AFF2: variants seen among roughly 807,000 people sequenced by gnomAD.
AFF2 encodes the protein AF4/FMR2 family member 2.
A neutral mutation model predicts 76.9 loss-of-function variants in AFF2; 14 were observed. The ratio of observed to expected loss-of-function variants is 0.18; its 90% CI spans 0.12 to 0.28. The LOEUF (loss-of-function observed/expected upper bound fraction) is 0.28. AFF2 is among the 10% of genes least tolerant of loss of function. AFF2 has a pLI of 1.00. For missense variants in AFF2, 868 were observed against 1,001.1 expected (o/e 0.87, Z 1.79); for synonymous variants, 398 against 366.7 (o/e 1.09, Z -0.98).
At chrX:148,700,937 G>T (rs530185309) in intron 3 of AFF2, among the ~76,000 whole-genome samples, 52 of 109,028 alleles carry the variant, frequency 4.8e-4, no homozygotes, top group African/African-American at 1.7e-3. Flanking sequence ...TCATAATTTG[G>T]GGCCTTTGCC....
chrX:148,711,171 T>C (rs2054962579), intron 3 of AFF2, among the ~76,000 whole-genome samples: 1 of 111,728 alleles, frequency 9.0e-6, no homozygotes, highest in South Asian at 3.7e-4. Context: ...CTTGAATATA[T>C]CATAGTTAAA....
At chrX:148,506,844 T>C (rs1371285121) in intron 1 of AFF2, among the ~76,000 whole-genome samples, 2 of 112,119 alleles carry the variant, frequency 1.8e-5, no homozygotes, top group Non-Finnish European at 3.8e-5. Context: ...AGCTTCATTT[T>C]GTAGATAATA....
chrX:148,572,518 G>A (rs73249422), intron 1 of AFF2, among the ~76,000 whole-genome samples: 2 of 111,633 alleles, frequency 1.8e-5, no homozygotes, highest in African/African-American at 3.3e-5. Context: ...AATATCCATC[G>A]ACTGATGAAT....
intron 3 of AFF2, among the ~76,000 whole-genome samples, chrX:148,679,990 A>G (rs2054529591): frequency 1.8e-5 from 2 of 112,391 alleles, no homozygotes; most frequent in Non-Finnish European, 3.8e-5. Context: ...GTAACTCTGA[A>G]TAAGCATACT....
chrX:148,755,364 C>T (rs1325634238), intron 3 of AFF2, among the ~76,000 whole-genome samples: 5 of 111,523 alleles, frequency 4.5e-5, no homozygotes, highest in African/African-American at 1.6e-4. Context: ...TAAGTCTGAC[C>T]TAGCTCTGAG....
At chrX:148,870,708 T>C (rs2070963204) in intron 7 of AFF2, among the ~76,000 whole-genome samples, 1 of 112,502 alleles carries the variant, frequency 8.9e-6, no homozygotes, top group African/African-American at 3.2e-5. Context: ...ATTCAAGTTC[T>C]GCAGACAGTT....
At chrX:148,590,356 A>C (rs1035069012) in intron 1 of AFF2, among the ~76,000 whole-genome samples, 1 of 111,243 alleles carries the variant, frequency 9.0e-6, no homozygotes, top group Non-Finnish European at 1.9e-5. Context: ...ATTCTGTTTC[A>C]TGCATTTTCC....
intron 14 of AFF2, among the ~76,000 whole-genome samples, chrX:148,967,350 AAC>A (rs1377205425): frequency 1.8e-5 from 2 of 111,810 alleles, no homozygotes; most frequent in African/African-American, 6.5e-5. Flanking sequence ...ACATATAACC[AAC>A]ACACAGATGT....
At chrX:148,941,654 T>G (rs2071835939) in intron 9 of AFF2, among the ~76,000 whole-genome samples, 1 of 112,323 alleles carries the variant, frequency 8.9e-6, no homozygotes, top group Admixed American at 9.4e-5. Flanking sequence ...CCAGATACTT[T>G]GCATTTTGTC....
At chrX:148,686,208 C>A in intron 3 of AFF2, among the ~76,000 whole-genome samples, 1 of 111,708 alleles carries the variant, frequency 9.0e-6, no homozygotes. Flanking sequence ...TTTATTCTGA[C>A]AAATTCCTGA....
chrX:148,781,412 AGATCCCCTGCCC>A (rs2069743132), intron 3 of AFF2, among the ~76,000 whole-genome samples: 1 of 112,353 alleles, frequency 8.9e-6, no homozygotes, highest in South Asian at 3.7e-4. Context: ...TTTCTTTTAG[AGATCCCCTGCCC>A]AGAGAGGAGG....
At chrX:148,734,110 A>T (rs986375380) in intron 3 of AFF2, among the ~76,000 whole-genome samples, 1 of 111,966 alleles carries the variant, frequency 8.9e-6, no homozygotes. Flanking sequence ...GAGGGTGATG[A>T]AGTGCTTGCT....
At chrX:148,702,895 C>T (rs781817422) in intron 3 of AFF2, among the ~76,000 whole-genome samples, 2 of 112,092 alleles carry the variant, frequency 1.8e-5, no homozygotes, top group African/African-American at 3.2e-5. Flanking sequence ...GCTCGAGATA[C>T]GATTTCGGGT....
rs1437446782 is a variant in AFF2, at chrX:148,958,608, G to A, written c.2690+150G>A. ...AGTCAAGGCCTGACAGCTGTCCCTG[G>A]CCACTGGTCTAACAAGGGTGTGATA... On this transcript the variant is annotated intron_variant, in intron 12 of 20. Coordinates refer to ENST00000370460, the MANE Select transcript of AFF2 (RefSeq NM_002025.4). 5 of 789,840 alleles carry A rather than the reference G, an allele frequency of 6.3e-6. No homozygotes were observed. In the East Asian group the frequency reaches 1.6e-4, roughly 26 times the overall value. The allele number at this position is 789,840 out of a possible 1,213,427, so 65.1% of individuals were successfully genotyped here.
Position 148,959,963 on chromosome X carries a change from C to A in AFF2, c.2690+1505C>A, listed in dbSNP as rs528967984. On this transcript the variant is annotated intron_variant, in intron 12 of 20. Transcript: ENST00000370460. ...CCCACTGCTACACTCTCTAGGTGACCCAGTGGCCTGTCGCCTTCCCCATCT... is the reference window on the plus strand; with the variant it reads ...CCCACTGCTACACTCTCTAGGTGACACAGTGGCCTGTCGCCTTCCCCATCT... Among the ~76,000 whole-genome samples the A allele has an allele frequency of 4.4e-5, 5 of 112,664 alleles. No homozygotes were observed. The East Asian group carries it at 1.4e-3, about 32-fold the overall frequency.
chrX:148,774,522 C>A (rs2069643538), intron 3 of AFF2, among the ~76,000 whole-genome samples: 1 of 111,237 alleles, frequency 9.0e-6, no homozygotes, highest in Admixed American at 9.6e-5. Context: ...CTGCTGAATT[C>A]ATATTCTACA....
Position 148,956,319 on chromosome X carries a change from C to T in AFF2, c.2274C>T (p.Thr758=). 2 of 1,211,921 alleles carry T rather than the reference C, an allele frequency of 1.7e-6. No homozygotes were observed. Among genetic ancestry groups the T allele is most frequent in the Non-Finnish European group, 2.2e-6 (2 of 895,579 alleles). Residue 758 remains threonine (T), a synonymous_variant, in exon 11 of 21, where the codon ACC becomes ACT. Transcript: ENST00000370460. ...EICGASLTLS[T]LMSSSGSNNN... ...GTGGTGCCAGCCTGACCCTCAGCAC[C>T]TTAATGAGTAGCAGTGGCAGCAACA...
intron 1 of AFF2, among the ~76,000 whole-genome samples, chrX:148,545,795 A>AT (rs1427579456): frequency 9.0e-6 from 1 of 110,754 alleles, no homozygotes; most frequent in East Asian, 2.8e-4. Context: ...AGACAGCTGG[A>AT]TCCCACCCCC....
At chrX:148,866,195 G>A (rs1387669680) in intron 7 of AFF2, among the ~76,000 whole-genome samples, 9 of 111,716 alleles carry the variant, frequency 8.1e-5, no homozygotes, top group Non-Finnish European at 1.5e-4. Context: ...GACAGTCTTC[G>A]CATTTCTAAG....
Sources: allele counts gnomAD v4.1 joint callset (sites outside exome capture counted in the v4.1 genomes callset), GRCh38; gene constraint gnomAD v4.1.1; transcripts MANE v1.5; gene names NCBI Gene and HGNC (gene_info 2026-07-23, HGNC 2026-07-21).